Variants in FGD6 observed in about 807,000 individuals in gnomAD.
FGD6 encodes the protein FYVE, RhoGEF and PH domain containing 6.
In FGD6, 90 loss-of-function variants were observed where a neutral mutation model predicts 149.4. That is an observed-to-expected ratio of 0.60 (90% CI 0.51 to 0.72). The LOEUF is 0.72. Ranked by LOEUF, FGD6 falls within the 30% of genes least tolerant of loss-of-function variation. The pLI is 0.00. For synonymous variants in FGD6, 527 were observed against 584.0 expected (o/e 0.90, Z 1.41); for missense variants, 1,437 against 1,684.8 (o/e 0.85, Z 2.57).
intron 15 of FGD6, 87 bp from the exon 16 acceptor site, chr12:95,092,932 G>C: frequency 6.9e-7 from 1 of 1,455,706 alleles, no homozygotes; most frequent in Non-Finnish European, 9.3e-7. Flanking sequence ...ACCAAGATGG[G>C]GATGAGGGTC....
chr12:95,138,243 A>ACTC (rs1359290056), intron 6 of FGD6, among the ~76,000 whole-genome samples: 4 of 149,336 alleles, frequency 2.7e-5, no homozygotes, highest in African/African-American at 9.9e-5. Context: ...TAAATAAATA[A>ACTC]ATAACTCACT....
intron 2 of FGD6, among the ~76,000 whole-genome samples, chr12:95,183,143 G>C (rs1389826831): frequency 6.6e-6 from 1 of 152,204 alleles, no homozygotes; most frequent in African/African-American, 2.4e-5. Flanking sequence ...GGCTCCAAAT[G>C]GTCTCACTAC....
chr12:95,131,777 T>C (rs1300403408), intron 8 of FGD6, among the ~76,000 whole-genome samples: 3 of 152,144 alleles, frequency 2.0e-5, no homozygotes, highest in African/African-American at 7.2e-5. Flanking sequence ...ATATAAGGTA[T>C]TGTGCAACAA....
rs746332961 is a variant in FGD6 at position 95,081,504 on chromosome 12, G to A, written c.*16C>T. 1.3e-6 allele frequency: 2 copies of A among 1,592,390 alleles called. 1 individual carries two copies. Among genetic ancestry groups the A allele is most frequent in the Admixed American group, 3.4e-5 (2 of 58,594 alleles). On this transcript the variant is annotated 3_prime_UTR_variant, in exon 21 of 21. Coordinates refer to ENST00000343958, the MANE Select transcript of FGD6 (RefSeq NM_018351.4). ...TCCACCTCTTTGGAATCACAGAAGA[G>A]ATGAAACCAATACTGCTACAATATT... is the stretch of plus-strand genomic sequence containing the variant.
At chr12:95,175,890 A>G (rs1881122252) in intron 2 of FGD6, among the ~76,000 whole-genome samples, 1 of 152,076 alleles carries the variant, frequency 6.6e-6, no homozygotes, top group Admixed American at 6.6e-5. Context: ...GGAAGACATC[A>G]AGGTGTCAAG....
intron 2 of FGD6, among the ~76,000 whole-genome samples, chr12:95,176,976 C>T (rs1036975134): frequency 4.6e-5 from 7 of 151,982 alleles, no homozygotes; most frequent in African/African-American, 1.7e-4. Context: ...TATAGGTGTA[C>T]GCCACCATGC....
chr12:95,132,471 G>A (rs1879549404), intron 8 of FGD6, among the ~76,000 whole-genome samples: 1 of 152,116 alleles, frequency 6.6e-6, no homozygotes, highest in African/African-American at 2.4e-5. Context: ...TAAATAATAT[G>A]GCCGGGCACC....
intron 3 of FGD6, among the ~76,000 whole-genome samples, chr12:95,161,271 G>A (rs1363419523): frequency 6.6e-6 from 1 of 151,672 alleles, no homozygotes; most frequent in East Asian, 1.9e-4. Flanking sequence ...CAAGGTGAGC[G>A]GATCACTTGA....
chr12:95,152,859 G>T lies in FGD6; in HGVS notation c.2655-18C>A. On this transcript the variant is annotated intron_variant, in intron 4 of 20. Transcript: ENST00000343958. ...CCACAAACCTGTAAAAAACAACAAT[G>T]AAAAAAATGTTTTAAATGTGCCAAT... The T allele has an allele frequency of 1.2e-6, 2 of 1,613,452 alleles. No homozygotes were observed. Among genetic ancestry groups the T allele is most frequent in the Non-Finnish European group, 1.7e-6 (2 of 1,179,718 alleles).
In FGD6 at chr12:95,177,059, C is replaced by T. The variant is rs1018924154; in HGVS notation, c.2442-4315G>A. 5.3e-5 allele frequency among the ~76,000 whole-genome samples: 8 copies of T among 152,134 alleles called. No individual in the cohort carries two copies. The East Asian group carries it at 1.2e-3, about 22-fold the overall frequency. On this transcript the variant is annotated intron_variant, in intron 2 of 20. Coordinates refer to ENST00000343958, the MANE Select transcript of FGD6 (RefSeq NM_018351.4). ...GCCAGGCTGGTCTTGAACTCCTGGC[C>T]TCAGGTGATCTGCCTGCCTCAGCCT...
intron 8 of FGD6, among the ~76,000 whole-genome samples, chr12:95,119,222 A>G (rs1399382297): frequency 6.6e-6 from 1 of 152,224 alleles, no homozygotes; most frequent in Non-Finnish European, 1.5e-5. Context: ...TAATATCCTC[A>G]TGCATAAAAT....
At chr12:95,183,334 C>T (rs1438648803) in intron 2 of FGD6, among the ~76,000 whole-genome samples, 1 of 152,192 alleles carries the variant, frequency 6.6e-6, no homozygotes, top group African/African-American at 2.4e-5. Flanking sequence ...TGACCCCCAC[C>T]CTCTTGTATA....
chr12:95,099,763 A>G (rs1224086219), intron 14 of FGD6, among the ~76,000 whole-genome samples: 2 of 152,114 alleles, frequency 1.3e-5, no homozygotes, highest in Admixed American at 6.5e-5. Flanking sequence ...TCTTTCACAA[A>G]CATAAATTAG....
intron 6 of FGD6, 94 bp from the exon 7 acceptor site, chr12:95,137,772 A>AC (rs1879714485): frequency 1.5e-5 from 13 of 853,190 alleles, no homozygotes; most frequent in Non-Finnish European, 2.1e-5. Flanking sequence ...CCGCCAACTT[A>AC]TCTTTTTTTC....
chr12:95,163,963 G>A (rs181812802), intron 3 of FGD6, among the ~76,000 whole-genome samples: 6 of 152,234 alleles, frequency 3.9e-5, no homozygotes, highest in African/African-American at 1.2e-4. Context: ...GTCAAACAGC[G>A]ATGGAAAAAC....
chr12:95,162,965 C>A (rs192793311), intron 3 of FGD6, among the ~76,000 whole-genome samples: 1 of 152,292 alleles, frequency 6.6e-6, no homozygotes, highest in African/African-American at 2.4e-5. Flanking sequence ...AAAAGGTTTC[C>A]TTGGCTCTGT....
At chr12:95,112,808 AT>A (rs1289898458) in intron 9 of FGD6, among the ~76,000 whole-genome samples, 1 of 152,170 alleles carries the variant, frequency 6.6e-6, no homozygotes, top group East Asian at 1.9e-4. Context: ...GTTGTAATGG[AT>A]TGTTTCCCTT....
intron 2 of FGD6, among the ~76,000 whole-genome samples, chr12:95,193,359 AT>A (rs766118976): frequency 1.8e-3 from 260 of 144,636 alleles, no homozygotes; most frequent in Middle Eastern, 7.1e-3. Context: ...ATCATGCTGA[AT>A]TTTTTTTTTT....
intron 14 of FGD6, among the ~76,000 whole-genome samples, chr12:95,099,660 A>G (rs1047017368): frequency 2.0e-5 from 3 of 152,132 alleles, no homozygotes; most frequent in African/African-American, 7.2e-5. Flanking sequence ...TTAACCCAAG[A>G]CACACCATCA....
Sources: allele counts gnomAD v4.1 joint callset (sites outside exome capture counted in the v4.1 genomes callset), GRCh38; gene constraint gnomAD v4.1.1; transcripts MANE v1.5; gene names NCBI Gene and HGNC (gene_info 2026-07-23, HGNC 2026-07-21).